ZBTB20: variants seen among roughly 807,000 people sequenced by gnomAD.
ZBTB20 encodes zinc finger and BTB domain containing 20.
ZBTB20 carries 9 observed loss-of-function variants against 56.9 expected under a neutral mutation model. That is an observed-to-expected ratio of 0.16 (90% confidence interval 0.10 to 0.28). ZBTB20 has a LOEUF of 0.28. ZBTB20 is among the 10% of genes least tolerant of loss of function. The pLI is 1.00. For synonymous variants in ZBTB20, 417 were observed against 420.7 expected, an observed-to-expected ratio of 0.99 and a Z score of 0.11; for missense variants, 655 against 1,003.0, an observed-to-expected ratio of 0.65 and a Z score of 4.69.
At chr3:114,860,947 T>G (rs1286670167) in intron 4 of ZBTB20, among the ~76,000 whole-genome samples, 1 of 152,226 alleles carries the variant, frequency 6.6e-6, no homozygotes, top group Non-Finnish European at 1.5e-5. Context: ...ACAGGTTGTA[T>G]AAGGCAAGTA....
In ZBTB20 at chr3:115,009,210, T is replaced by A. The variant is rs141909351; in HGVS notation, c.-506-34794A>T. Among the ~76,000 whole-genome samples the A allele has an allele frequency of 2.5e-3, 376 of 152,066 alleles. 2 individuals are homozygous for A. The highest frequency in any genetic ancestry group is 8.3e-3 in the African/African-American group (343 of 41,542). ...TTTTGTTCTGTATTATTTTTACAGT[T>A]ATGTCATCTCATTTGAATGTACAAT... is the stretch of plus-strand genomic sequence containing the variant. On this transcript the variant is annotated intron_variant, in intron 2 of 11. Coordinates refer to ENST00000675478, the MANE Select transcript of ZBTB20 (RefSeq NM_001348800.3).
At chr3:114,537,600 C>T (rs574993386) in intron 6 of ZBTB20, among the ~76,000 whole-genome samples, 10 of 152,084 alleles carry the variant, frequency 6.6e-5, no homozygotes, top group Admixed American at 3.3e-4. Flanking sequence ...GATCTAGAAC[C>T]AAAAATACCA....
chr3:114,922,196 CA>C (rs2075986249), intron 3 of ZBTB20, among the ~76,000 whole-genome samples: 1 of 152,080 alleles, frequency 6.6e-6, no homozygotes, highest in South Asian at 2.1e-4. Flanking sequence ...TAATAAAGAT[CA>C]AATATGGCAA....
chr3:114,467,634 C>A (rs2092604506), intron 7 of ZBTB20, among the ~76,000 whole-genome samples: 1 of 152,102 alleles, frequency 6.6e-6, no homozygotes, highest in East Asian at 1.9e-4. Context: ...AGCATGCATA[C>A]AATCACACAC....
intron 6 of ZBTB20, among the ~76,000 whole-genome samples, chr3:114,632,915 A>T (rs2059039179): frequency 6.6e-6 from 1 of 152,172 alleles, no homozygotes; most frequent in African/African-American, 2.4e-5. Flanking sequence ...AGACCAGTGC[A>T]GTGCGCACCT....
chr3:114,572,673 T>C (rs2053565571), intron 6 of ZBTB20, among the ~76,000 whole-genome samples: 1 of 152,212 alleles, frequency 6.6e-6, no homozygotes, highest in South Asian at 2.1e-4. Context: ...GTAAGGAACT[T>C]AGATTTTAAA....
intron 10 of ZBTB20, among the ~76,000 whole-genome samples, chr3:114,356,510 G>A (rs531234796): frequency 8.5e-5 from 13 of 152,274 alleles, no homozygotes; most frequent in Admixed American, 6.5e-4. Context: ...GGAAACATCA[G>A]CTCTCAAATG....
intron 4 of ZBTB20, among the ~76,000 whole-genome samples, chr3:114,827,633 C>CT (rs940284561): frequency 2.0e-5 from 3 of 151,698 alleles, no homozygotes; most frequent in Admixed American, 6.6e-5. Context: ...TAACTGCTAT[C>CT]TTTTGGGAGA....
chr3:114,325,938 G>A lies in ZBTB20; in HGVS notation c.*13067C>T, dbSNP rs1403440166. ...TGGTGGAGGGGTATAGATGGGTGAA[G>A]TACTGGCAATGCAGTGCCAATCTCC... On this transcript the variant is annotated 3_prime_UTR_variant, in exon 12 of 12. Coordinates refer to ENST00000675478, the MANE Select transcript of ZBTB20 (RefSeq NM_001348800.3). The A allele has an allele frequency of 6.6e-6, 1 of 151,970 alleles. No individual in the cohort carries two copies. The highest frequency in any genetic ancestry group is 1.5e-5 in the Non-Finnish European group (1 of 68,008). 9.4% of individuals were successfully genotyped at this position (151,970 alleles called of 1,614,324 possible). A position where few individuals can be genotyped will look rare whatever the true frequency, so the allele number is the denominator to read the frequency against.
chr3:114,745,493 A>G (rs922446919), intron 5 of ZBTB20, among the ~76,000 whole-genome samples: 1 of 152,160 alleles, frequency 6.6e-6, no homozygotes, highest in African/African-American at 2.4e-5. Flanking sequence ...TAGTCAATCA[A>G]TACTAAGCAC....
intron 2 of ZBTB20, among the ~76,000 whole-genome samples, chr3:115,022,818 A>G (rs1480881946): frequency 2.6e-5 from 4 of 151,152 alleles, no homozygotes; most frequent in Non-Finnish European, 4.5e-5. Flanking sequence ...TAACTTTGAT[A>G]GTGATAGAAT....
chr3:115,135,548 T>C (rs2084630850), intron 1 of ZBTB20, among the ~76,000 whole-genome samples: 2 of 152,212 alleles, frequency 1.3e-5, no homozygotes, highest in Non-Finnish European at 1.5e-5. Context: ...CTTAATTATC[T>C]TTTGTTTTGA....
At chr3:114,551,367 A>G (rs1366437034) in intron 6 of ZBTB20, among the ~76,000 whole-genome samples, 1 of 152,210 alleles carries the variant, frequency 6.6e-6, no homozygotes, top group Non-Finnish European at 1.5e-5. Context: ...TAGCAGAGGG[A>G]TTAGACAAAT....
intron 6 of ZBTB20, among the ~76,000 whole-genome samples, chr3:114,541,182 G>A (rs1291192442): frequency 3.3e-5 from 5 of 152,034 alleles, no homozygotes; most frequent in Non-Finnish European, 1.5e-5. Flanking sequence ...ATTAATGGAG[G>A]CTTAAAATGT....
At chr3:114,874,182 C>T (rs555752526) in intron 4 of ZBTB20, 11 of 152,214 alleles carry the variant, frequency 7.2e-5, no homozygotes, top group South Asian at 4.1e-4. Context: ...TTATAAATAA[C>T]GTATACATTT....
intron 3 of ZBTB20, among the ~76,000 whole-genome samples, chr3:114,941,231 C>T (rs1228852327): frequency 6.9e-6 from 1 of 145,858 alleles, no homozygotes; most frequent in Admixed American, 6.6e-5. Context: ...ACAGTTTTTA[C>T]CTTGGGAAAA....
At chr3:115,057,104 T>G (rs1456803591) in intron 2 of ZBTB20, among the ~76,000 whole-genome samples, 1 of 152,144 alleles carries the variant, frequency 6.6e-6, no homozygotes, top group Admixed American at 6.5e-5. Context: ...CTTTTCATTA[T>G]CCTTCTGTCT....
chr3:114,492,297 T>C (rs1397204741), intron 7 of ZBTB20, among the ~76,000 whole-genome samples: 2 of 152,216 alleles, frequency 1.3e-5, no homozygotes, highest in East Asian at 3.8e-4. Context: ...TGTATATAAA[T>C]ACCTGTGCAA....
intron 7 of ZBTB20, among the ~76,000 whole-genome samples, chr3:114,447,597 G>T (rs777582339): frequency 1.3e-5 from 2 of 152,082 alleles, no homozygotes; most frequent in African/African-American, 4.8e-5. Context: ...CTTGAAAAGC[G>T]CCAGGAAATC....
Sources: gnomAD v4.1 joint callset for allele counts (sites outside exome capture counted in the v4.1 genomes callset) on GRCh38, gnomAD v4.1.1 for gene constraint, MANE v1.5 for transcripts, NCBI Gene and HGNC (gene_info 2026-07-23, HGNC 2026-07-21) for gene names.